Variants in NPAS3 observed in about 807,000 individuals in gnomAD.
NPAS3 encodes the protein neuronal PAS domain protein 3.
In NPAS3, 14 loss-of-function variants were observed where a neutral mutation model predicts 73.1. That is an observed-to-expected ratio of 0.19 (90% CI 0.13 to 0.30). The LOEUF (loss-of-function observed/expected upper bound fraction) is 0.30, where lower values mean the gene tolerates loss of function less well. Among genes scored for constraint, NPAS3 ranks in the 10% least tolerant of loss-of-function variants. The probability of loss-of-function intolerance (pLI) is 1.00; values close to 1 mark genes in which losing one functional copy is unlikely to be tolerated. For synonymous variants in NPAS3, 620 were observed against 541.5 expected, an observed-to-expected ratio of 1.14 and a Z score of -2.01; for missense variants, 1,096 against 1,250.0, an observed-to-expected ratio of 0.88 and a Z score of 1.86.
intron 2 of NPAS3, among the ~76,000 whole-genome samples, chr14:33,133,545 G>A (rs1414856192): frequency 6.6e-6 from 1 of 152,146 alleles, no homozygotes; most frequent in African/African-American, 2.4e-5. Flanking sequence ...GAATGTGTAA[G>A]TGCCAGTCAA....
At chr14:33,319,464 G>A (rs571308683) in intron 3 of NPAS3, among the ~76,000 whole-genome samples, 65 of 152,238 alleles carry the variant, frequency 4.3e-4, no homozygotes, top group African/African-American at 1.5e-3. Context: ...GCGAGTAAGA[G>A]ACAGCCCCTG....
intron 3 of NPAS3, among the ~76,000 whole-genome samples, chr14:33,338,530 C>G (rs565356797): frequency 6.6e-6 from 1 of 152,142 alleles, no homozygotes; most frequent in African/African-American, 2.4e-5. Context: ...AAATGAAAGG[C>G]ATATTGGCCT....
At chr14:33,087,395 T>C (rs1331057956) in intron 2 of NPAS3, among the ~76,000 whole-genome samples, 2 of 151,824 alleles carry the variant, frequency 1.3e-5, no homozygotes, top group Non-Finnish European at 2.9e-5. Flanking sequence ...TGTTTTCTGA[T>C]GATGTGATTA....
At chr14:32,968,477 G>T (rs2037279019) in intron 1 of NPAS3, among the ~76,000 whole-genome samples, 1 of 152,096 alleles carries the variant, frequency 6.6e-6, no homozygotes, top group African/African-American at 2.4e-5. Context: ...GGTGATATAG[G>T]TTGGTGTCTT....
At chr14:32,999,743 T>C (rs1169753649) in intron 1 of NPAS3, among the ~76,000 whole-genome samples, 1 of 152,228 alleles carries the variant, frequency 6.6e-6, no homozygotes, top group Admixed American at 6.5e-5. Context: ...GTTAGTGATG[T>C]ATTTTCTTAG....
At chr14:33,675,538 T>G (rs113242810) in intron 5 of NPAS3, among the ~76,000 whole-genome samples, 35 of 152,228 alleles carry the variant, frequency 2.3e-4, no homozygotes, top group African/African-American at 8.2e-4. Context: ...CCTATTAGAT[T>G]GAAGGCAAAA....
chr14:33,200,689 T>G (rs1421042796), intron 2 of NPAS3, among the ~76,000 whole-genome samples: 1 of 152,216 alleles, frequency 6.6e-6, no homozygotes, highest in African/African-American at 2.4e-5. Context: ...TTAAAAAATC[T>G]GGATTTTTGG....
At chr14:33,410,514 C>A (rs1372288809) in intron 4 of NPAS3, among the ~76,000 whole-genome samples, 1 of 152,168 alleles carries the variant, frequency 6.6e-6, no homozygotes, top group Non-Finnish European at 1.5e-5. Context: ...TCAATCAATT[C>A]CCTGGCTTAT....
chr14:33,452,443 C>A (rs536377347), intron 4 of NPAS3, among the ~76,000 whole-genome samples: 3 of 152,146 alleles, frequency 2.0e-5, no homozygotes, highest in Admixed American at 6.5e-5. Flanking sequence ...TGCTTTCCTG[C>A]AATCTTTTAG....
intron 5 of NPAS3, among the ~76,000 whole-genome samples, chr14:33,654,234 CAATT>C (rs780924168): frequency 3.7e-4 from 56 of 151,616 alleles, no homozygotes; most frequent in East Asian, 9.7e-4. Context: ...TCTAATCAAT[CAATT>C]AATCTCAGTT....
chr14:33,105,756 G>GA (rs35565905), intron 2 of NPAS3, among the ~76,000 whole-genome samples: 8,958 of 150,186 alleles, frequency 0.06, 714 homozygotes, highest in East Asian at 0.4. Flanking sequence ...CGTTATTTAG[G>GA]AAAAAAAAAG....
At chr14:33,386,878 AGAT>A (rs1307998302) in intron 4 of NPAS3, among the ~76,000 whole-genome samples, 1 of 152,160 alleles carries the variant, frequency 6.6e-6, no homozygotes, top group African/African-American at 2.4e-5. Flanking sequence ...TTTTGCAACT[AGAT>A]GATCTAGCAT....
chr14:33,643,375 T>TAAAAAAAAAAAAAAAAAAAA (rs755879056), intron 5 of NPAS3, among the ~76,000 whole-genome samples: 1 of 94,666 alleles, frequency 1.1e-5, no homozygotes, highest in African/African-American at 4.0e-5. Context: ...AAATAAAAAT[T>TAAAAAAAAAAAAAAAAAAAA]AAAAAAAAAA....
At chr14:33,322,204 T>A (rs981634154) in intron 3 of NPAS3, among the ~76,000 whole-genome samples, 8 of 152,176 alleles carry the variant, frequency 5.3e-5, no homozygotes, top group Non-Finnish European at 1.0e-4. Context: ...AGTGATAAAA[T>A]CAAGATGCTC....
chr14:33,510,484 G>A lies in NPAS3; in HGVS notation c.469-49637G>A, dbSNP rs111362667. Among the ~76,000 whole-genome samples, 545 of 152,112 alleles carry A rather than the reference G, an allele frequency of 3.6e-3. 3 individuals carry two copies. The highest frequency in any genetic ancestry group is 6.2e-3 in the Non-Finnish European group (421 of 67,946). ...TGGAGGGGGGACTGGCCTTGCCTAG[G>A]TAGCCACAATAACTTTGAAAAGGAC... is the stretch of plus-strand genomic sequence containing the variant. On this transcript the variant is annotated intron_variant, in intron 4 of 11. Transcript: ENST00000356141.
intron 4 of NPAS3, among the ~76,000 whole-genome samples, chr14:33,534,618 A>G (rs1410843765): frequency 1.3e-5 from 2 of 152,184 alleles, no homozygotes; most frequent in African/African-American, 2.4e-5. Context: ...CTATATATGT[A>G]TAGTTGGAAT....
At chr14:32,960,489 C>T (rs2036865177) in intron 1 of NPAS3, among the ~76,000 whole-genome samples, 1 of 152,130 alleles carries the variant, frequency 6.6e-6, no homozygotes, top group African/African-American at 2.4e-5. Flanking sequence ...GACAAATTAC[C>T]AAGAACACCA....
At chr14:33,138,508 T>TG (rs1427033292) in intron 2 of NPAS3, among the ~76,000 whole-genome samples, 2 of 152,068 alleles carry the variant, frequency 1.3e-5, no homozygotes, top group African/African-American at 4.8e-5. Context: ...GAATTAAGGA[T>TG]GGAAAAAAAG....
At chr14:32,939,241 CCCCGCCCGCCCACGCCCCCCA>C, upstream of NPAS3, 1 of 600,876 alleles carries the variant, frequency 1.7e-6, no homozygotes, top group Non-Finnish European at 3.0e-6. Flanking sequence ...ACACGCACAC[CCCCGCCCGCCCACGCCCCCCA>C]CCCGGGAGGG....
Sources: allele counts gnomAD v4.1 joint callset (sites outside exome capture counted in the v4.1 genomes callset), GRCh38; gene constraint gnomAD v4.1.1; transcripts MANE v1.5; gene names NCBI Gene and HGNC (gene_info 2026-07-23, HGNC 2026-07-21).